UPF1: variants seen among roughly 807,000 people sequenced by gnomAD.
The protein encoded by UPF1 is regulator of nonsense transcripts 1.
A neutral mutation model predicts 129.2 loss-of-function variants in UPF1; 9 were observed. The observed-to-expected ratio is 0.07, with a 90% CI of 0.04 to 0.12. UPF1 has a LOEUF of 0.12. Ranked by LOEUF, UPF1 falls within the 10% of genes least tolerant of loss-of-function variation. The pLI is 1.00. For missense variants in UPF1, 788 were observed against 1,525.3 expected, an observed-to-expected ratio of 0.52 and a Z score of 8.05; for synonymous variants, 649 against 644.9, an observed-to-expected ratio of 1.01 and a Z score of -0.10.
chr19:18,840,949 C>T (rs1288842980), intron 1 of UPF1, among the ~76,000 whole-genome samples: 1 of 152,210 alleles, frequency 6.6e-6, no homozygotes, highest in South Asian at 2.1e-4. Flanking sequence ...GCCCTTGTGA[C>T]AGTGAGCATG....
chr19:18,834,169 C>T (rs1337274413), intron 1 of UPF1, among the ~76,000 whole-genome samples: 1 of 152,098 alleles, frequency 6.6e-6, no homozygotes, highest in African/African-American at 2.4e-5. Flanking sequence ...ATAAAGGAAA[C>T]CTAGATCCAT....
intron 1 of UPF1, among the ~76,000 whole-genome samples, chr19:18,841,436 C>T (rs775063735): frequency 1.3e-5 from 2 of 152,226 alleles, no homozygotes; most frequent in African/African-American, 2.4e-5. Context: ...CAAGCAGCGT[C>T]AACAATGGCT....
chr19:18,866,286 G>C (rs1042758384), intron 23 of UPF1, 120 bp downstream of exon 23: 1 of 1,386,300 alleles, frequency 7.2e-7, no homozygotes, highest in Middle Eastern at 2.6e-4. Flanking sequence ...TGTGCCTGGT[G>C]GGGGTCATAG....
chr19:18,844,197 T>C (rs769966486), intron 1 of UPF1, among the ~76,000 whole-genome samples: 8 of 151,250 alleles, frequency 5.3e-5, no homozygotes, highest in Non-Finnish European at 8.8e-5. Context: ...AGACTCCAGC[T>C]CTGGGGCCTC....
chr19:18,848,020 G>T, intron 3 of UPF1, 187 bp downstream of exon 3: 1 of 547,184 alleles, frequency 1.8e-6, no homozygotes, highest in South Asian at 2.4e-5. Flanking sequence ...ATTTACCCTT[G>T]ATTTATTCTC....
intron 3 of UPF1, chr19:18,848,140 G>A: frequency 9.1e-6 from 3 of 329,990 alleles, no homozygotes; most frequent in East Asian, 7.1e-5. Flanking sequence ...CTTCATTAAC[G>A]GGAGGATGTT....
chr19:18,864,733 GTTTTTTTTTT>G (rs10682791), intron 20 of UPF1, among the ~76,000 whole-genome samples: 20 of 73,570 alleles, frequency 2.7e-4, no homozygotes, highest in Admixed American at 4.0e-4. Context: ...ATTTGCAGGT[GTTTTTTTTTT>G]TTTTTTTTTT....
chr19:18,855,833 G>C, intron 11 of UPF1, 92 bp from the exon 12 acceptor site: 1 of 1,509,458 alleles, frequency 6.6e-7, no homozygotes, highest in Non-Finnish European at 8.9e-7. Context: ...GGGCAACAGA[G>C]CAAGACCCTG....
At chr19:18,866,432 G>A (rs559456699) in intron 23 of UPF1, 89 bp from the exon 24 acceptor site, 3 of 452,238 alleles carry the variant, frequency 6.6e-6, no homozygotes, top group Admixed American at 4.3e-5. Context: ...AGGGCAGCTC[G>A]GGCTCTCCCT....
chr19:18,866,287 G>A, intron 23 of UPF1, 121 bp downstream of exon 23: 1 of 1,388,944 alleles, frequency 7.2e-7, no homozygotes, highest in South Asian at 1.6e-5. Flanking sequence ...GTGCCTGGTG[G>A]GGGTCATAGG....
intron 19 of UPF1, 104 bp downstream of exon 19, chr19:18,863,716 G>A: frequency 3.5e-6 from 5 of 1,429,668 alleles, no homozygotes; most frequent in Non-Finnish European, 4.7e-6. Flanking sequence ...CTGAGGGAGG[G>A]CTCTCCTAGG....
intron 19 of UPF1, 125 bp from the exon 20 acceptor site, chr19:18,864,045 A>G: frequency 1.2e-6 from 1 of 823,766 alleles, no homozygotes; most frequent in Non-Finnish European, 2.1e-6. Flanking sequence ...GTCTCCAGGG[A>G]GAGCCCCTGG....
chr19:18,864,055 GCA>G (rs1446438501), intron 19 of UPF1, 113 bp from the exon 20 acceptor site: 69 of 893,428 alleles, frequency 7.7e-5, no homozygotes, highest in Middle Eastern at 6.6e-4. Context: ...AGAGCCCCTG[GCA>G]CAGTGTCAAC....
rs2055865309 is a variant in UPF1 at position 18,867,440 on chromosome 19, C to G, written c.*923C>G. 1 of 152,354 alleles carries G rather than the reference C, an allele frequency of 6.6e-6. No homozygotes were observed. The highest frequency in any genetic ancestry group is 2.4e-5 in the African/African-American group (1 of 41,470). 9.4% of individuals were successfully genotyped at this position (152,354 alleles called of 1,614,324 possible). A position where few individuals can be genotyped will look rare whatever the true frequency, so the allele number is the denominator to read the frequency against. On this transcript the variant is annotated 3_prime_UTR_variant, in exon 24 of 24. Transcript: ENST00000262803. Reference sequence around the variant, plus strand: ...GCGAGGGGCCTTGGCCAGGACTGGCCCTGTGGCCAGGAGGCGAGAAGGTGG... The same window carrying G: ...GCGAGGGGCCTTGGCCAGGACTGGCGCTGTGGCCAGGAGGCGAGAAGGTGG...
chr19:18,851,296 G>T lies in UPF1; in HGVS notation c.810+428G>T, dbSNP rs1245047839. The stretch of plus-strand genomic sequence containing the variant: ...GACAGAGGGGAGAGGAGAGGGTGCC[G>T]GGTCAAGTAGTGGGTGCCTGGCCCT... On this transcript the variant is annotated intron_variant, in intron 5 of 23. Coordinates refer to ENST00000262803, the MANE Select transcript of UPF1 (RefSeq NM_002911.4). This position sits in a 1 kb window ranked among gnomAD's most constrained non-coding sequence, Gnocchi z 4.2. 2.0e-5 allele frequency among the ~76,000 whole-genome samples: 3 copies of T among 152,154 alleles called. No homozygotes were observed. In the South Asian group the frequency reaches 6.2e-4, roughly 32 times the overall value.
chr19:18,860,270 T>C (rs781335720), intron 15 of UPF1, 51 bp from the exon 16 acceptor site: 3 of 1,587,148 alleles, frequency 1.9e-6, no homozygotes, highest in Non-Finnish European at 2.6e-6. Flanking sequence ...CTGAACTCAT[T>C]TGAGGCGGGC....
At chr19:18,854,779 G>T (rs532102346) in intron 9 of UPF1, 70 bp downstream of exon 9, 11 of 1,605,214 alleles carry the variant, frequency 6.9e-6, no homozygotes, top group Non-Finnish European at 9.4e-6. Context: ...AGCCCTCCCC[G>T]TCACTGTGGA....
At chr19:18,858,151 C>T (rs926275155) in intron 15 of UPF1, among the ~76,000 whole-genome samples, 1 of 152,226 alleles carries the variant, frequency 6.6e-6, no homozygotes, top group African/African-American at 2.4e-5. Context: ...GGTATGCCGG[C>T]GCTTGAAGGA....
chr19:18,847,959 CTG>C, intron 3 of UPF1, 126 bp downstream of exon 3: 1 of 921,252 alleles, frequency 1.1e-6, no homozygotes, highest in Non-Finnish European at 1.7e-6. Flanking sequence ...TTTTCCTCCT[CTG>C]TGACTGGTTT....
Sources: gnomAD v4.1 joint callset for allele counts (sites outside exome capture counted in the v4.1 genomes callset) on GRCh38, gnomAD v4.1.1 for gene constraint, Gnocchi (gnomAD v3.1) non-coding constraint, MANE v1.5 for transcripts, NCBI Gene and HGNC (gene_info 2026-07-23, HGNC 2026-07-21) for gene names.